Variants in ITGA6 observed in about 807,000 individuals in gnomAD.
The protein encoded by ITGA6 is integrin subunit alpha 6, also known as integrin alpha-6.
Under a neutral mutation model 133.6 loss-of-function variants are expected in ITGA6, and 63 were observed. The ratio of observed to expected loss-of-function variants is 0.47; its 90% CI spans 0.38 to 0.58. The LOEUF (loss-of-function observed/expected upper bound fraction) is 0.58. ITGA6 is among the 20% of genes least tolerant of loss of function. ITGA6 has a pLI of 0.00. For missense variants in ITGA6, 1,068 were observed against 1,309.4 expected (o/e 0.82, Z 2.85); for synonymous variants, 434 against 482.0 (o/e 0.90, Z 1.30).
At chr2:172,473,018 A>T in intron 5 of ITGA6, 1 of 636,370 alleles carries the variant, frequency 1.6e-6, no homozygotes, top group Non-Finnish European at 2.8e-6. Context: ...CACAAAAAGC[A>T]TGCCATGGCT....
At chr2:172,433,209 A>C (rs1684177829) in intron 1 of ITGA6, among the ~76,000 whole-genome samples, 1 of 152,160 alleles carries the variant, frequency 6.6e-6, no homozygotes, top group Non-Finnish European at 1.5e-5. Context: ...ATCTGGAAGG[A>C]AGCTTAGGGG....
At position 172,471,118 on chromosome 2, in the gene ITGA6, A is replaced by T. The variant is rs1267224496; in HGVS notation, c.775+13A>T. 2.5e-6 allele frequency: 4 copies of T among 1,614,110 alleles called. No individual in the cohort carries two copies. Among genetic ancestry groups the T allele is most frequent in the East Asian group, 2.2e-5 (1 of 44,902 alleles). On this transcript the variant is annotated intron_variant, in intron 5 of 25. Coordinates refer to ENST00000684293, the MANE Select transcript of ITGA6 (RefSeq NM_000210.4). ...AACAGTTACTTAGGTAGGAGCAGGCACAGATGGCTGCCTTTGCCCACCTTC... is the reference window on the plus strand; with the variant it reads ...AACAGTTACTTAGGTAGGAGCAGGCTCAGATGGCTGCCTTTGCCCACCTTC...
At chr2:172,472,858 C>T in intron 5 of ITGA6, 4 of 1,610,764 alleles carry the variant, frequency 2.5e-6, no homozygotes, top group Non-Finnish European at 3.4e-6. Context: ...CAGCCTGACA[C>T]ATTCCCTGAT....
intron 1 of ITGA6, among the ~76,000 whole-genome samples, chr2:172,449,657 G>A (rs915521669): frequency 6.6e-6 from 1 of 152,114 alleles, no homozygotes; most frequent in Non-Finnish European, 1.5e-5. Flanking sequence ...TGAGAAAGGG[G>A]ATGGTTGGCT....
chr2:172,469,463 G>A (rs1685824399), intron 4 of ITGA6, 83 bp downstream of exon 4: 4 of 941,432 alleles, frequency 4.2e-6, no homozygotes, highest in Non-Finnish European at 6.0e-6. Context: ...GCTAAAATGT[G>A]TTAGAAGACA....
At chr2:172,477,415 G>A (rs1686225371) in intron 9 of ITGA6, among the ~76,000 whole-genome samples, 1 of 151,954 alleles carries the variant, frequency 6.6e-6, no homozygotes, top group African/African-American at 2.4e-5. Flanking sequence ...TAATAATATA[G>A]AATTATAGAA....
chr2:172,474,895 G>C (rs1361694840), intron 6 of ITGA6, 34 bp from the exon 7 acceptor site: 2 of 1,055,416 alleles, frequency 1.9e-6, no homozygotes, highest in Admixed American at 3.4e-5. Context: ...GTTAGCTGTT[G>C]GTTCACGGCT....
intron 2 of ITGA6, chr2:172,466,143 T>C (rs13391669): frequency 0.026 from 6,440 of 244,200 alleles, 418 homozygotes; most frequent in African/African-American, 0.14. Context: ...TTAAGGGCTC[T>C]GGATAGGTAG....
intron 1 of ITGA6, among the ~76,000 whole-genome samples, chr2:172,459,567 A>T (rs1259881162): frequency 6.6e-6 from 1 of 152,230 alleles, no homozygotes; most frequent in African/African-American, 2.4e-5. Context: ...AACACTGGAT[A>T]CTAGAATTAA....
At chr2:172,454,659 T>C (rs1685142412) in intron 1 of ITGA6, among the ~76,000 whole-genome samples, 1 of 152,202 alleles carries the variant, frequency 6.6e-6, no homozygotes, top group Admixed American at 6.5e-5. Flanking sequence ...GAAGCCTATG[T>C]CCTGACCCTC....
At chr2:172,492,078 G>A (rs574690769) in intron 23 of ITGA6, among the ~76,000 whole-genome samples, 5 of 152,116 alleles carry the variant, frequency 3.3e-5, no homozygotes, top group Admixed American at 1.3e-4. Flanking sequence ...TGAGTTATGC[G>A]TCACATTGGG....
intron 25 of ITGA6, 77 bp from the exon 26 acceptor site, chr2:172,504,012 AAG>A: frequency 8.9e-7 from 1 of 1,127,278 alleles, no homozygotes; most frequent in Non-Finnish European, 1.2e-6. Flanking sequence ...GCTGAACAGA[AAG>A]CTTAGACATT....
At chr2:172,445,507 G>A (rs1211467163) in intron 1 of ITGA6, among the ~76,000 whole-genome samples, 2 of 151,400 alleles carry the variant, frequency 1.3e-5, no homozygotes, top group East Asian at 3.9e-4. Context: ...AAATTAGCCG[G>A]GCATGGTGGT....
intron 4 of ITGA6, among the ~76,000 whole-genome samples, chr2:172,469,733 T>C (rs926568507): frequency 1.3e-5 from 2 of 152,188 alleles, no homozygotes; most frequent in African/African-American, 4.8e-5. Context: ...CTTAGGAGGA[T>C]TAAATAATGG....
chr2:172,489,446 G>A (rs568264293), intron 19 of ITGA6, 39 bp from the exon 20 acceptor site: 3 of 1,483,324 alleles, frequency 2.0e-6, no homozygotes, highest in South Asian at 2.3e-5. Flanking sequence ...TTTACATTGA[G>A]AAGATTAGAC....
chr2:172,451,145 ACT>A (rs1219298628), intron 1 of ITGA6, among the ~76,000 whole-genome samples: 1 of 150,016 alleles, frequency 6.7e-6, no homozygotes. Context: ...ACAGAGTGAG[ACT>A]CTGTCTCAAA....
intron 1 of ITGA6, among the ~76,000 whole-genome samples, chr2:172,457,627 CAAA>C (rs1009631601): frequency 2.6e-5 from 4 of 151,530 alleles, no homozygotes; most frequent in African/African-American, 9.7e-5. Context: ...ATATGTTAGC[CAAA>C]AAAAAGTTTG....
chr2:172,428,919 T>C (rs754164605), intron 1 of ITGA6, among the ~76,000 whole-genome samples: 12 of 152,200 alleles, frequency 7.9e-5, no homozygotes, highest in Middle Eastern at 3.2e-3. Context: ...CCTTAATCGC[T>C]ATGGGGTTGC....
chr2:172,505,193 T>A lies in ITGA6; in HGVS notation c.*1125T>A, dbSNP rs922662111. On this transcript the variant is annotated 3_prime_UTR_variant, in exon 26 of 26. Transcript: ENST00000684293. Reference sequence around the variant, plus strand: ...AGATGTTTATTTCAGGCATTGGATATTTTTTACTTTAGAAGCCTGCATAAT... The same window carrying A: ...AGATGTTTATTTCAGGCATTGGATAATTTTTACTTTAGAAGCCTGCATAAT... 2.0e-5 allele frequency: 3 copies of A among 152,572 alleles called. No individual in the cohort carries two copies. The highest frequency in any genetic ancestry group is 7.2e-5 in the African/African-American group (3 of 41,442). The allele number at this position is 152,572 out of a possible 1,614,324, so 9.5% of individuals were successfully genotyped here.
Sources: gnomAD v4.1 joint callset for allele counts (sites outside exome capture counted in the v4.1 genomes callset) on GRCh38, gnomAD v4.1.1 for gene constraint, MANE v1.5 for transcripts, NCBI Gene and HGNC (gene_info 2026-07-23, HGNC 2026-07-21) for gene names.